The following KIAA0319 variants were observed in gnomAD, a reference collection of about 807,000 sequenced individuals.
KIAA0319 encodes dyslexia-associated protein KIAA0319.
KIAA0319 carries 83 observed loss-of-function variants against 108.4 expected under a neutral mutation model. That is an observed-to-expected ratio of 0.77 (90% CI 0.64 to 0.92). KIAA0319 has a LOEUF of 0.92. KIAA0319 is among the 40% of genes least tolerant of loss of function. The pLI is 0.00. For missense variants in KIAA0319, 1,195 were observed against 1,322.4 expected (o/e 0.90, Z 1.49); for synonymous variants, 484 against 510.4 (o/e 0.95, Z 0.70).
chr6:24,579,431 A>ATATATATATATATATATATC (rs1554157150), intron 8 of KIAA0319, among the ~76,000 whole-genome samples: 2 of 134,714 alleles, frequency 1.5e-5, no homozygotes, highest in African/African-American at 5.9e-5. Flanking sequence ...ATATATATAT[A>ATATATATATATATATATATC]TCTTATATAT....
chr6:24,602,533 G>T (rs999408527), intron 1 of KIAA0319, among the ~76,000 whole-genome samples: 22 of 152,174 alleles, frequency 1.4e-4, no homozygotes, highest in Admixed American at 2.6e-4. Flanking sequence ...GGGTGCGGTG[G>T]CTCACGCCTG....
chr6:24,570,629 A>C (rs1366701084), intron 11 of KIAA0319, among the ~76,000 whole-genome samples: 2 of 145,664 alleles, frequency 1.4e-5, no homozygotes, highest in Non-Finnish European at 3.0e-5. Context: ...GAAAGGAAAG[A>C]AGGGTAAAAT....
intron 1 of KIAA0319, among the ~76,000 whole-genome samples, chr6:24,605,341 C>T (rs4712831): frequency 0.18 from 27,808 of 152,122 alleles, 2,609 homozygotes; most frequent in East Asian, 0.23. Flanking sequence ...CCCCCACCCT[C>T]TTTGATAGTT....
chr6:24,596,099 T>A lies in KIAA0319; in HGVS notation c.575A>T (p.Glu192Val). The change falls in exon 3 of 21, where the codon GAG (glutamate) becomes GTG (valine). Residue 192 changes from glutamate (E) to valine (V), a missense_variant. Physicochemically the swap from Glu to Val is moderately radical, Grantham distance 121 (BLOSUM62 -2). Coordinates refer to ENST00000378214, the MANE Select transcript of KIAA0319 (RefSeq NM_014809.4). ...YTDWGLLPGS[E>V]GAFNSSVGDS... ...TCCAACAGAGGAGTTGAAGGCCCCCTCGCTGCCCGGCAGTAGGCCCCAGTC... is the reference window on the plus strand; with the variant it reads ...TCCAACAGAGGAGTTGAAGGCCCCCACGCTGCCCGGCAGTAGGCCCCAGTC... 1 of 1,614,070 alleles carries A rather than the reference T, an allele frequency of 6.2e-7. No homozygotes were observed. The highest frequency in any genetic ancestry group is 8.5e-7 in the Non-Finnish European group (1 of 1,179,996).
intron 1 of KIAA0319, among the ~76,000 whole-genome samples, chr6:24,602,085 T>C (rs1770707514): frequency 6.6e-6 from 1 of 152,050 alleles, no homozygotes; most frequent in Non-Finnish European, 1.5e-5. Flanking sequence ...TGGCACAATG[T>C]TGGCTCACTG....
At chr6:24,644,653 T>C (rs1777388449) in intron 1 of KIAA0319, among the ~76,000 whole-genome samples, 1 of 152,222 alleles carries the variant, frequency 6.6e-6, no homozygotes, top group Non-Finnish European at 1.5e-5. Context: ...CTCTATTCTT[T>C]TACATTCATA....
At chr6:24,591,227 G>C (rs1768421362) in intron 3 of KIAA0319, among the ~76,000 whole-genome samples, 1 of 152,080 alleles carries the variant, frequency 6.6e-6, no homozygotes, top group Non-Finnish European at 1.5e-5. Flanking sequence ...TCTTTCTCTT[G>C]TGTAAATACC....
intron 13 of KIAA0319, among the ~76,000 whole-genome samples, chr6:24,567,304 C>A (rs1236011159): frequency 6.6e-6 from 1 of 152,082 alleles, no homozygotes; most frequent in Admixed American, 6.5e-5. Context: ...GAGTTTGAGA[C>A]CAGCCGGGGC....
At chr6:24,618,103 C>T (rs1562079120) in intron 1 of KIAA0319, among the ~76,000 whole-genome samples, 2 of 152,256 alleles carry the variant, frequency 1.3e-5, no homozygotes, top group Non-Finnish European at 2.9e-5. Flanking sequence ...TAAACTTCTC[C>T]TTCAAGAATT....
At chr6:24,617,647 T>C (rs1261737179) in intron 1 of KIAA0319, among the ~76,000 whole-genome samples, 2 of 152,016 alleles carry the variant, frequency 1.3e-5, no homozygotes, top group African/African-American at 2.4e-5. Flanking sequence ...TCACTCAAGG[T>C]GGGGAGTAGG....
Position 24,566,573 on chromosome 6 carries a change from G to A in KIAA0319, c.2292+24C>T, listed in dbSNP as rs372433677. The A allele has an allele frequency of 2.8e-5, 45 of 1,588,054 alleles. No individual in the cohort carries two copies. The African/African-American group carries it at 5.5e-4, about 20-fold the overall frequency. On this transcript the variant is annotated intron_variant, in intron 14 of 20. Coordinates refer to ENST00000378214, the MANE Select transcript of KIAA0319 (RefSeq NM_014809.4). The stretch of plus-strand genomic sequence containing the variant: ...GCAGATGTAATGATAAGTGGTCTAG[G>A]AGCAATTCTCTCTCAGTACTCACTC...
intron 16 of KIAA0319, among the ~76,000 whole-genome samples, chr6:24,562,026 T>C (rs73388251): frequency 0.047 from 7,144 of 152,260 alleles, 494 homozygotes; most frequent in African/African-American, 0.15. Flanking sequence ...TTTGTGGAGA[T>C]AGCATTTCGC....
intron 3 of KIAA0319, among the ~76,000 whole-genome samples, chr6:24,593,231 A>G (rs766213981): frequency 2.6e-5 from 4 of 151,982 alleles, no homozygotes; most frequent in Non-Finnish European, 4.4e-5. Context: ...TCATTTCAAT[A>G]TATTTTTTAA....
At chr6:24,628,518 T>A (rs1256543671) in intron 1 of KIAA0319, among the ~76,000 whole-genome samples, 2 of 151,768 alleles carry the variant, frequency 1.3e-5, no homozygotes, top group African/African-American at 4.9e-5. Flanking sequence ...CAGTGCTTTT[T>A]TCTTTCTTTC....
intron 4 of KIAA0319, among the ~76,000 whole-genome samples, chr6:24,583,922 C>T (rs1767035071): frequency 6.6e-6 from 1 of 152,116 alleles, no homozygotes; most frequent in Non-Finnish European, 1.5e-5. Context: ...TATGAGTTGG[C>T]ACTGTGACAA....
intron 19 of KIAA0319, among the ~76,000 whole-genome samples, chr6:24,554,014 G>C (rs996665271): frequency 6.6e-6 from 1 of 152,234 alleles, no homozygotes; most frequent in East Asian, 1.9e-4. Flanking sequence ...ACCCAATTTA[G>C]AGTCAGTCAG....
chr6:24,600,846 A>G (rs1770518657), intron 2 of KIAA0319: 4 of 783,468 alleles, frequency 5.1e-6, no homozygotes, highest in Non-Finnish European at 4.1e-6. Flanking sequence ...TTTCCCATGG[A>G]ATAGTCATGA....
rs369858980 is a variant in KIAA0319, at chr6:24,563,412, G to A, written c.2538C>T (p.Asn846=). The change falls in exon 16 of 21, where the codon AAC becomes AAT. Residue 846 remains asparagine, a synonymous_variant. Coordinates refer to ENST00000378214, the MANE Select transcript of KIAA0319 (RefSeq NM_014809.4). ...GGACCTTAATGTCCGAGTCCAGCACGTTCAGCAGCACAGCCAGCTGCCTCA... is the reference window on the plus strand; with the variant it reads ...GGACCTTAATGTCCGAGTCCAGCACATTCAGCAGCACAGCCAGCTGCCTCA... ...TLVRQLAVLL[N]VLDSDIKVQK... 1.2e-5 allele frequency: 20 copies of A among 1,613,762 alleles called. No individual in the cohort carries two copies. The highest frequency in any genetic ancestry group is 5.0e-5 in the Admixed American group (3 of 59,978).
chr6:24,589,718 G>A (rs1582099119), intron 3 of KIAA0319, among the ~76,000 whole-genome samples: 1 of 152,308 alleles, frequency 6.6e-6, no homozygotes, highest in East Asian at 1.9e-4. Context: ...TGTCTTTATA[G>A]CAATGTAAGA....
Sources: gnomAD v4.1 joint callset for allele counts (sites outside exome capture counted in the v4.1 genomes callset) on GRCh38, gnomAD v4.1.1 for gene constraint, MANE v1.5 for transcripts, NCBI Gene and HGNC (gene_info 2026-07-23, HGNC 2026-07-21) for gene names.